Variants in ACTN4 observed in about 807,000 individuals in gnomAD.
ACTN4 encodes alpha-actinin-4.
Under a neutral mutation model 114.2 loss-of-function variants are expected in ACTN4, and 18 were observed. The observed-to-expected ratio is 0.16, with a 90% CI of 0.11 to 0.23. ACTN4 has a LOEUF of 0.23. Among genes scored for constraint, ACTN4 ranks in the 10% least tolerant of loss-of-function variants. ACTN4 has a pLI of 1.00. For synonymous variants in ACTN4, 515 were observed against 506.3 expected (o/e 1.02, Z -0.23); for missense variants, 722 against 1,262.9 (o/e 0.57, Z 6.49).
chr19:38,728,308 C>G (rs980566725), intron 19 of ACTN4: 2 of 1,515,722 alleles, frequency 1.3e-6, no homozygotes, highest in East Asian at 5.3e-5. Flanking sequence ...CCTGCGTCCT[C>G]GGAGCAGAAG....
chr19:38,717,809 T>G lies in ACTN4; in HGVS notation c.1144-118T>G. ...GGCATCCAGGTATAATAGCAAAGCA[T>G]GACACAGACATGACCCCAGCCAAGT... On this transcript the variant is annotated intron_variant, in intron 10 of 20. Transcript: ENST00000252699. The surrounding 1 kb of genome is among the most constrained non-coding windows in gnomAD (Gnocchi z 4.0). 7.3e-7 allele frequency: 1 copy of G among 1,369,570 alleles called. No homozygotes were observed. The highest frequency in any genetic ancestry group is 1.0e-6 in the Non-Finnish European group (1 of 990,052). 84.8% of individuals were successfully genotyped at this position (1,369,570 alleles called of 1,614,324 possible).
chr19:38,728,437 C>CCTT, intron 19 of ACTN4: 4 of 1,085,346 alleles, frequency 3.7e-6, no homozygotes, highest in Non-Finnish European at 4.9e-6. Context: ...TCCTCCTCCT[C>CCTT]CTCCTCCTCC....
At chr19:38,715,531 C>G (rs1968811204) in intron 9 of ACTN4, among the ~76,000 whole-genome samples, 1 of 152,192 alleles carries the variant, frequency 6.6e-6, no homozygotes, top group Admixed American at 6.5e-5. Context: ...TCCCAAAGAG[C>G]AGTGGTTTGA....
At chr19:38,648,647 A>G (rs1200656909) in intron 1 of ACTN4, among the ~76,000 whole-genome samples, 3 of 151,884 alleles carry the variant, frequency 2.0e-5, no homozygotes, top group Non-Finnish European at 4.4e-5. Flanking sequence ...GGGCCCGTGA[A>G]TCAGACGTTT....
rs577141157 is a variant in ACTN4 at position 38,659,065 on chromosome 19, C to CTTTTTTTT, written c.162+11164_162+11171dup. ...TAACTTTTTTTTCTTCTTTTCTTTT[C>CTTTTTTTT]TTTTTTTTTTTTTGAGACGGAGTCT... is the stretch of plus-strand genomic sequence containing the variant. On this transcript the variant is annotated intron_variant, in intron 1 of 20. Transcript: ENST00000252699. Among the ~76,000 whole-genome samples, 515 of 111,660 alleles carry CTTTTTTTT rather than the reference C, an allele frequency of 4.6e-3. 30 individuals carry two copies. The highest frequency in any genetic ancestry group is 0.016 in the African/African-American group (489 of 30,756). The allele number at this position is 111,660 out of a possible 152,430, so 73.3% of individuals were successfully genotyped here.
chr19:38,719,681 C>A (rs1968969306), intron 11 of ACTN4, among the ~76,000 whole-genome samples: 1 of 152,262 alleles, frequency 6.6e-6, no homozygotes, highest in Non-Finnish European at 1.5e-5. Context: ...ACAGACAGCT[C>A]AGGTGGCTCC....
intron 11 of ACTN4, among the ~76,000 whole-genome samples, chr19:38,721,246 G>C (rs1210602261): frequency 6.6e-6 from 1 of 152,200 alleles, no homozygotes; most frequent in Non-Finnish European, 1.5e-5. Context: ...GATTTGTATG[G>C]TTTCCTACTA....
Position 38,724,319 on chromosome 19 carries a change from A to G in ACTN4, c.1855A>G (p.Ile619Val). The change falls in exon 15 of 21, where the codon ATC (isoleucine) becomes GTC (valine). Residue 619 changes from isoleucine to valine, a missense_variant. Ile to Val is a conservative substitution (Grantham distance 29). Around this residue, in one of 3 missense-constraint regions of ACTN4, gnomAD observed 523 missense variants for 875.9 expected, o/e 0.60. Transcript: ENST00000252699. The surrounding 1 kb of genome is among the most constrained non-coding windows in gnomAD (Gnocchi z 7.0). ...CTACACCACCGTCACCCCGCAAATC[A>G]TCAACTCCAAGTGGGAGAAGGTGGG... is the stretch of plus-strand genomic sequence containing the variant. ...NPYTTVTPQI[I>V]NSKWEKVQQL... 2 of 1,613,630 alleles carry G rather than the reference A, an allele frequency of 1.2e-6. No homozygotes were observed. The highest frequency in any genetic ancestry group is 1.7e-5 in the Admixed American group (1 of 60,018).
intron 1 of ACTN4, among the ~76,000 whole-genome samples, chr19:38,665,749 G>T (rs950907974): frequency 5.3e-5 from 8 of 152,208 alleles, no homozygotes; most frequent in Non-Finnish European, 7.3e-5. Flanking sequence ...ACAATTTTGT[G>T]TTGGGATGTG....
chr19:38,664,807 A>G (rs1368431270), intron 1 of ACTN4, among the ~76,000 whole-genome samples: 2 of 152,178 alleles, frequency 1.3e-5, no homozygotes, highest in African/African-American at 2.4e-5. Context: ...TTTGAAAGGC[A>G]TAGATGATAA....
At chr19:38,683,332 C>G (rs942457591) in intron 1 of ACTN4, among the ~76,000 whole-genome samples, 2 of 152,206 alleles carry the variant, frequency 1.3e-5, no homozygotes, top group Non-Finnish European at 2.9e-5. Flanking sequence ...CCCTGCCTCT[C>G]CTCTTTCTCG....
At chr19:38,706,006 T>A in intron 4 of ACTN4, 38 bp from the exon 5 acceptor site, 2 of 1,608,904 alleles carry the variant, frequency 1.2e-6, no homozygotes, top group Non-Finnish European at 1.7e-6. Context: ...GAGGGTTTAT[T>A]TTTGAGCCAG....
chr19:38,723,767 G>GCC, intron 13 of ACTN4, 45 bp downstream of exon 13: 1 of 1,515,604 alleles, frequency 6.6e-7, no homozygotes, highest in Non-Finnish European at 9.1e-7. Context: ...TGCCCCTGCT[G>GCC]CCCCGGGGCT....
At chr19:38,674,901 G>A (rs1417789303) in intron 1 of ACTN4, among the ~76,000 whole-genome samples, 2 of 152,186 alleles carry the variant, frequency 1.3e-5, no homozygotes, top group African/African-American at 4.8e-5. Flanking sequence ...TGATATCGCT[G>A]ATTCAGTAGC....
intron 1 of ACTN4, among the ~76,000 whole-genome samples, chr19:38,687,211 A>G (rs1967775110): frequency 6.6e-6 from 1 of 150,730 alleles, no homozygotes; most frequent in Admixed American, 6.6e-5. Flanking sequence ...ACCTCAAATG[A>G]TCCACCTGCC....
intron 1 of ACTN4, among the ~76,000 whole-genome samples, chr19:38,699,754 C>CA (rs528707102): frequency 0.068 from 8,374 of 122,600 alleles, 508 homozygotes; most frequent in East Asian, 0.34. Flanking sequence ...GACTCCTTCT[C>CA]AAAAAAAAAA....
chr19:38,651,722 G>GTTTTT (rs369180927), intron 1 of ACTN4, among the ~76,000 whole-genome samples: 1 of 151,138 alleles, frequency 6.6e-6, no homozygotes, highest in Admixed American at 6.6e-5. Context: ...TTTTGTATTT[G>GTTTTT]TTTTTTTTGT....
chr19:38,708,076 G>A (rs1968519734), intron 5 of ACTN4, 41 bp from the exon 6 acceptor site: 9 of 1,596,024 alleles, frequency 5.6e-6, no homozygotes, highest in Non-Finnish European at 6.9e-6. Context: ...TCTCATGACA[G>A]TGAGCGGGCC....
intron 1 of ACTN4, among the ~76,000 whole-genome samples, chr19:38,698,901 C>T (rs753740569): frequency 1.3e-5 from 2 of 152,188 alleles, no homozygotes; most frequent in African/African-American, 2.4e-5. Flanking sequence ...GCAGGGCTGG[C>T]GACAGTTGTC....
Sources: gnomAD v4.1 joint callset for allele counts (sites outside exome capture counted in the v4.1 genomes callset) on GRCh38, gnomAD v4.1.1 for gene constraint, gnomAD v4.1.1 regional missense constraint, Gnocchi (gnomAD v3.1) non-coding constraint, MANE v1.5 for transcripts, NCBI Gene and HGNC (gene_info 2026-07-23, HGNC 2026-07-21) for gene names.